The following RCL1 variants were observed in gnomAD, a reference collection of about 807,000 sequenced individuals.
RCL1 encodes RNA 3'-terminal phosphate cyclase-like protein.
A neutral mutation model predicts 42.4 loss-of-function variants in RCL1; 24 were observed. That is an observed-to-expected ratio of 0.57 (90% CI 0.41 to 0.80). RCL1 has a LOEUF of 0.80. RCL1 is among the 30% of genes least tolerant of loss of function. RCL1 has a pLI of 0.00. For missense variants in RCL1, 578 were observed against 467.9 expected (o/e 1.24, Z -2.17); for synonymous variants, 228 against 177.3 (o/e 1.29, Z -2.27).
chr9:4,806,343 A>T (rs1815961880), intron 1 of RCL1, among the ~76,000 whole-genome samples: 1 of 152,030 alleles, frequency 6.6e-6, no homozygotes, highest in Admixed American at 6.6e-5. Context: ...CCCCCTAAGT[A>T]TGTTAGCTAT....
chr9:4,822,915 G>C (rs1037466442), intron 1 of RCL1, among the ~76,000 whole-genome samples: 2 of 151,868 alleles, frequency 1.3e-5, no homozygotes, highest in African/African-American at 4.8e-5. Context: ...TTTTCTTCCA[G>C]TATTTTCTCA....
At chr9:4,824,259 C>G (rs555142866) in intron 2 of RCL1, among the ~76,000 whole-genome samples, 8 of 152,270 alleles carry the variant, frequency 5.3e-5, no homozygotes, top group South Asian at 4.1e-4. Context: ...TCACCTCTTT[C>G]CTCTTCCATT....
At chr9:4,811,990 A>G (rs2130983575) in intron 1 of RCL1, among the ~76,000 whole-genome samples, 1 of 152,190 alleles carries the variant, frequency 6.6e-6, no homozygotes, top group South Asian at 2.1e-4. Context: ...GGCCATTTGT[A>G]TGTCTTTTGA....
rs868093455 is a variant in RCL1 at position 4,827,748 on chromosome 9, G to A, written c.384+715G>A. ...TAGGATGAAGTGTGTGTGTGTGTGT[G>A]TGTGTGTGCACGCGTGTGTGTGTGT... On this transcript the variant is annotated intron_variant, in intron 3 of 8. Transcript: ENST00000381750. Among the ~76,000 whole-genome samples the A allele has an allele frequency of 1.5e-3, 180 of 119,434 alleles. 2 individuals are homozygous for A. In the Middle Eastern group the frequency reaches 0.023, roughly 15 times the overall value. 78.4% of individuals were successfully genotyped at this position (119,434 alleles called of 152,430 possible). A position where few individuals can be genotyped will look rare whatever the true frequency, so the allele number is the denominator to read the frequency against.
At chr9:4,851,474 C>G (rs1230707558) in intron 8 of RCL1, among the ~76,000 whole-genome samples, 1 of 152,192 alleles carries the variant, frequency 6.6e-6, no homozygotes, top group Admixed American at 6.5e-5. Context: ...ATGGACAGCT[C>G]CAGCAGCACA....
intron 1 of RCL1, among the ~76,000 whole-genome samples, chr9:4,813,758 A>G (rs1461773925): frequency 2.0e-5 from 3 of 152,220 alleles, no homozygotes; most frequent in Non-Finnish European, 2.9e-5. Context: ...TTGCGGCACT[A>G]TTCACAATAG....
rs767438290 is a variant in RCL1, at chr9:4,849,482, G to A, written c.903G>A (p.Ala301=). ...TAGACTCGACCAACCAAAGCCTGGC[G>A]CTACTACTCATGACCCTTGGACAGC... ...GCVDSTNQSL[A]LLLMTLGQQD... The change falls in exon 8 of 9, where the codon GCG becomes GCA. Residue 301 remains alanine, a synonymous_variant. Coordinates refer to ENST00000381750, the MANE Select transcript of RCL1 (RefSeq NM_005772.5). 38 of 1,613,838 alleles carry A rather than the reference G, an allele frequency of 2.4e-5. No homozygotes were observed. Among genetic ancestry groups the A allele is most frequent in the Middle Eastern group, 1.6e-4 (1 of 6,084 alleles).
chr9:4,849,653 C>G lies in RCL1; in HGVS notation c.971+103C>G, dbSNP rs374041457. Reference sequence around the variant, plus strand: ...CTGCACAGAGCCTGCACTATGAACACCTGCTTGTGTTTATCCTCAAATCAG... The same window carrying G: ...CTGCACAGAGCCTGCACTATGAACAGCTGCTTGTGTTTATCCTCAAATCAG... On this transcript the variant is annotated intron_variant, in intron 8 of 8. Coordinates refer to ENST00000381750, the MANE Select transcript of RCL1 (RefSeq NM_005772.5). 45 of 763,068 alleles carry G rather than the reference C, an allele frequency of 5.9e-5. No homozygotes were observed. In the African/African-American group the frequency reaches 7.2e-4, roughly 12 times the overall value. The allele number at this position is 763,068 out of a possible 1,614,324, so 47.3% of individuals were successfully genotyped here.
At chr9:4,802,022 T>C (rs577243774) in intron 1 of RCL1, among the ~76,000 whole-genome samples, 45 of 151,880 alleles carry the variant, frequency 3.0e-4, no homozygotes, top group Non-Finnish European at 6.0e-4. Flanking sequence ...GATTCTCCTG[T>C]CTCAGTCTCC....
At chr9:4,845,452 A>G (rs748422535) in intron 7 of RCL1, among the ~76,000 whole-genome samples, 6 of 152,254 alleles carry the variant, frequency 3.9e-5, no homozygotes, top group African/African-American at 1.4e-4. Flanking sequence ...GCACATATGC[A>G]TGCACACACT....
chr9:4,795,539 A>G (rs780267495), intron 1 of RCL1, among the ~76,000 whole-genome samples: 4 of 152,206 alleles, frequency 2.6e-5, no homozygotes, highest in Non-Finnish European at 5.9e-5. Flanking sequence ...TCTGGTCATA[A>G]TCAAGGGAGT....
chr9:4,817,401 T>A (rs1272411520), intron 1 of RCL1, among the ~76,000 whole-genome samples: 1 of 152,084 alleles, frequency 6.6e-6, no homozygotes, highest in Non-Finnish European at 1.5e-5. Context: ...TCTTATTTCC[T>A]TTTACAAATA....
At chr9:4,857,346 G>A (rs1441498709) in intron 8 of RCL1, among the ~76,000 whole-genome samples, 1 of 152,056 alleles carries the variant, frequency 6.6e-6, no homozygotes, top group Non-Finnish European at 1.5e-5. Flanking sequence ...ATATTGTGTA[G>A]ATAGAATCAT....
At chr9:4,824,256 T>G (rs1247087506) in intron 2 of RCL1, among the ~76,000 whole-genome samples, 5 of 152,198 alleles carry the variant, frequency 3.3e-5, no homozygotes, top group Admixed American at 3.3e-4. Context: ...CCTTCACCTC[T>G]TTCCTCTTCC....
At chr9:4,803,582 C>A (rs1843042443) in intron 1 of RCL1, among the ~76,000 whole-genome samples, 1 of 152,064 alleles carries the variant, frequency 6.6e-6, no homozygotes, top group South Asian at 2.1e-4. Flanking sequence ...AATCACAGAT[C>A]CCAACTGTTC....
chr9:4,851,662 A>T (rs989276102), intron 8 of RCL1, among the ~76,000 whole-genome samples: 1 of 152,022 alleles, frequency 6.6e-6, no homozygotes, highest in African/African-American at 2.4e-5. Context: ...TTTTATGTGT[A>T]GTTAAAGTCA....
Position 4,844,632 on chromosome 9 carries a change from A to G in RCL1, c.818A>G (p.Glu273Gly). 1 of 1,613,980 alleles carries G rather than the reference A, an allele frequency of 6.2e-7. No individual in the cohort carries two copies. The highest frequency in any genetic ancestry group is 8.5e-7 in the Non-Finnish European group (1 of 1,179,962). ...PQGQGAAVLP[E>G]DLGRNCARLL... ...GGCCAGGGAGCAGCAGTACTTCCAG[A>G]GGACCTTGGCAGGAACTGTGCCCGG... The change falls in exon 7 of 9, where the codon GAG (glutamate) becomes GGG (glycine). Residue 273 changes from glutamate to glycine, a missense_variant. Transcript: ENST00000381750.
intron 1 of RCL1, among the ~76,000 whole-genome samples, chr9:4,814,496 G>T (rs937269446): frequency 1.3e-5 from 2 of 152,100 alleles, no homozygotes; most frequent in Non-Finnish European, 2.9e-5. Flanking sequence ...GCCAACTCCT[G>T]GGCATGATCA....
chr9:4,794,981 C>T (rs1210200453), intron 1 of RCL1, among the ~76,000 whole-genome samples: 2 of 152,180 alleles, frequency 1.3e-5, no homozygotes, highest in Admixed American at 6.5e-5. Context: ...TGCCTTACCC[C>T]GTTCATATAC....
Sources: allele counts gnomAD v4.1 joint callset (sites outside exome capture counted in the v4.1 genomes callset), GRCh38; gene constraint gnomAD v4.1.1; transcripts MANE v1.5; gene names NCBI Gene and HGNC (gene_info 2026-07-23, HGNC 2026-07-21).